CC2D1B: variants seen among roughly 807,000 people sequenced by gnomAD.
The protein encoded by CC2D1B is coiled-coil and C2 domain containing 1B.
Under a neutral mutation model 110.8 loss-of-function variants are expected in CC2D1B, and 92 were observed. The ratio of observed to expected loss-of-function variants is 0.83; its 90% CI spans 0.70 to 0.99. The LOEUF is 0.99. Ranked by LOEUF, CC2D1B falls within the 50% of genes least tolerant of loss-of-function variation. The pLI, the probability that CC2D1B is intolerant of heterozygous loss-of-function variation, is 0.00. For synonymous variants in CC2D1B, 406 were observed against 429.2 expected (o/e 0.95, Z 0.67); for missense variants, 1,136 against 1,089.0 (o/e 1.04, Z -0.61).
chr1:52,358,910 A>C, intron 11 of CC2D1B, 117 bp downstream of exon 11: 2 of 1,484,962 alleles, frequency 1.3e-6, no homozygotes, highest in Non-Finnish European at 1.8e-6. Context: ...AGAGCCCCAG[A>C]GAGACAAACA....
At chr1:52,356,906 T>G in intron 16 of CC2D1B, 95 bp downstream of exon 16, 1 of 1,391,444 alleles carries the variant, frequency 7.2e-7, no homozygotes. Flanking sequence ...GAGCTGAGAA[T>G]TTTGAGTCCA....
Position 52,359,526 on chromosome 1 carries a change from A to G in CC2D1B, c.951T>C (p.Gly317=). ...RELMRIGKRF[G]AVLEALEKGQ... ...CCTTCTCCAGGGCCTCCAGGACAGC[A>G]CCGAATCTCTGCAGAAGTTGGAAAA... Residue 317 remains glycine, a synonymous_variant, in exon 9 of 25, where the codon GGT becomes GGC. Coordinates refer to ENST00000284376, the MANE Select transcript of CC2D1B (RefSeq NM_001330585.2). 1 of 1,613,880 alleles carries G rather than the reference A, an allele frequency of 6.2e-7. No homozygotes were observed. Among genetic ancestry groups the G allele is most frequent in the Non-Finnish European group, 8.5e-7 (1 of 1,179,982 alleles).
chr1:52,352,553 A>T lies in CC2D1B; in HGVS notation c.*672T>A, dbSNP rs571995559. On this transcript the variant is annotated 3_prime_UTR_variant, in exon 25 of 25. Coordinates refer to ENST00000284376, the MANE Select transcript of CC2D1B (RefSeq NM_001330585.2). ...TGTCTACATAAAATTTTATATATAT[A>T]TTTTTTCTTCCAGTTAACAGTCTTT... is the stretch of plus-strand genomic sequence containing the variant. 2.7e-3 allele frequency: 418 copies of T among 152,652 alleles called. No individual in the cohort carries two copies. The highest frequency in any genetic ancestry group is 6.8e-3 in the Middle Eastern group (2 of 294). The allele number at this position is 152,652 out of a possible 1,614,324, so 9.5% of individuals were successfully genotyped here.
chr1:52,355,670 G>A lies in CC2D1B; in HGVS notation c.2129-4C>T. ...TCCAGGTCATCGGGAGTCACCCCTGGGAAGGAGAAAAGGGAGTCAAGTCAG... is the reference window on the plus strand; with the variant it reads ...TCCAGGTCATCGGGAGTCACCCCTGAGAAGGAGAAAAGGGAGTCAAGTCAG... On this transcript the variant is annotated splice_polypyrimidine_tract_variant and splice_region_variant and intron_variant, in intron 19 of 24. Transcript: ENST00000284376. 1.2e-6 allele frequency: 2 copies of A among 1,614,160 alleles called. No homozygotes were observed. The highest frequency in any genetic ancestry group is 1.7e-6 in the Non-Finnish European group (2 of 1,180,022).
rs1377053407 is a variant in CC2D1B at position 52,355,421 on chromosome 1, A to G, written c.2216T>C (p.Val739Ala). ...ACCTGGAGAGTTTGTGTTCTTCACC[A>G]CAGCTGTTTTGCTTTTTTGAGCCTG... is the stretch of plus-strand genomic sequence containing the variant. ...SDQAQKSKTA[V>A]VKNTNSPEFD... The change falls in exon 21 of 25, where the codon GTG (valine) becomes GCG (alanine). Residue 739 changes from valine to alanine, a missense_variant. Coordinates refer to ENST00000284376, the MANE Select transcript of CC2D1B (RefSeq NM_001330585.2). The G allele has an allele frequency of 6.2e-7, 1 of 1,614,158 alleles. No homozygotes were observed. Among genetic ancestry groups the G allele is most frequent in the Admixed American group, 1.7e-5 (1 of 60,022 alleles).
chr1:52,353,469 T>C (rs1321432407), intron 24 of CC2D1B, 49 bp downstream of exon 24: 2 of 1,566,662 alleles, frequency 1.3e-6, no homozygotes, highest in African/African-American at 2.8e-5. Flanking sequence ...AGTAGTTAGT[T>C]GAGTAAAAGG....
In CC2D1B at chr1:52,352,663, A is replaced by G. The variant is rs1557536739; in HGVS notation, c.*562T>C. The G allele has an allele frequency of 6.6e-6, 1 of 152,348 alleles. No homozygotes were observed. Among genetic ancestry groups the G allele is most frequent in the Non-Finnish European group, 1.5e-5 (1 of 68,030 alleles). 9.4% of individuals were successfully genotyped at this position (152,348 alleles called of 1,614,324 possible). A position where few individuals can be genotyped will look rare whatever the true frequency, so the allele number is the denominator to read the frequency against. On this transcript the variant is annotated 3_prime_UTR_variant, in exon 25 of 25. Coordinates refer to ENST00000284376, the MANE Select transcript of CC2D1B (RefSeq NM_001330585.2). ...GTACCAAAAACAACTTTCCCCCTCC[A>G]CTAAGTCCTTAGGGAAGCAGGAAGG...
Position 52,351,443 on chromosome 1 carries a change from C to T in CC2D1B, c.*1782G>A, listed in dbSNP as rs1646529118. On this transcript the variant is annotated 3_prime_UTR_variant, in exon 25 of 25. Coordinates refer to ENST00000284376, the MANE Select transcript of CC2D1B (RefSeq NM_001330585.2). Reference sequence around the variant, plus strand: ...AAGGGGAGTAGGTTGGGTTAGGAACCCTTCCAGTCACCTTTCTTTGCTCTA... The same window carrying T: ...AAGGGGAGTAGGTTGGGTTAGGAACTCTTCCAGTCACCTTTCTTTGCTCTA... The T allele has an allele frequency of 6.6e-6, 1 of 152,092 alleles. No individual in the cohort carries two copies. Among genetic ancestry groups the T allele is most frequent in the Non-Finnish European group, 1.5e-5 (1 of 68,026 alleles). The allele number at this position is 152,092 out of a possible 1,614,324, so 9.4% of individuals were successfully genotyped here.
rs754989958 is a variant in CC2D1B, at chr1:52,360,521, A to G, written c.506T>C (p.Leu169Ser). 5.6e-6 allele frequency: 9 copies of G among 1,614,010 alleles called. No homozygotes were observed. The highest frequency in any genetic ancestry group is 4.5e-5 in the East Asian group (2 of 44,894). Residue 169 changes from leucine to serine, a missense_variant, in exon 6 of 25, where the codon TTG becomes TCG. Physicochemically the swap from Leu to Ser is moderately radical, Grantham distance 145. Coordinates refer to ENST00000284376, the MANE Select transcript of CC2D1B (RefSeq NM_001330585.2). ...QAGASQGLHA[L>S]LEERIHNYRE... ...GTAGTTGTGAATCCGTTCCTCCAGC[A>G]AAGCGTGTAGCCCCTGAGATGCTCC...
rs1320320895 is a variant in CC2D1B at position 52,360,247 on chromosome 1, C to G, written c.604-14G>C. 1 of 1,613,612 alleles carries G rather than the reference C, an allele frequency of 6.2e-7. No homozygotes were observed. The highest frequency in any genetic ancestry group is 8.5e-7 in the Non-Finnish European group (1 of 1,179,840). On this transcript the variant is annotated splice_polypyrimidine_tract_variant and intron_variant, in intron 6 of 24. Transcript: ENST00000284376. The stretch of plus-strand genomic sequence containing the variant: ...CGACTCCAAGGTCTGAGGGAGAGAA[C>G]TGGTCCAGAAACCCAGCCAGCCATC...
Position 52,355,387 on chromosome 1 carries a change from G to A in CC2D1B, c.2239+11C>T. ...TGAGGGAGGAGAAAGAGGCCCACGT[G>A]TGGCCCTCACCTGGAGAGTTTGTGT... On this transcript the variant is annotated intron_variant, in intron 21 of 24. Transcript: ENST00000284376. The A allele has an allele frequency of 6.2e-7, 1 of 1,613,864 alleles. No individual in the cohort carries two copies. Among genetic ancestry groups the A allele is most frequent in the Non-Finnish European group, 8.5e-7 (1 of 1,179,884 alleles).
rs1646738064 is a variant in CC2D1B, at chr1:52,359,763, A to G, written c.884T>C (p.Leu295Pro). The G allele has an allele frequency of 6.2e-7, 1 of 1,610,892 alleles. No homozygotes were observed. Among genetic ancestry groups the G allele is most frequent in the Non-Finnish European group, 8.5e-7 (1 of 1,178,682 alleles). ...SRQREYKVAA[L>P]SAKRAGELDR... ...TAGCTCTCCAGCCCGCTTGGCACTG[A>G]GGGCAGCCACTTTGTACTCTCTCTG... The change falls in exon 8 of 25, where the codon CTC becomes CCC. Residue 295 changes from leucine to proline, a missense_variant. Coordinates refer to ENST00000284376, the MANE Select transcript of CC2D1B (RefSeq NM_001330585.2).
rs960391701 is a variant in CC2D1B at position 52,353,234 on chromosome 1, G to T, written c.*2-11C>A. 6 of 1,378,982 alleles carry T rather than the reference G, an allele frequency of 4.4e-6. No homozygotes were observed. Among genetic ancestry groups the T allele is most frequent in the Non-Finnish European group, 5.8e-6 (6 of 1,038,728 alleles). 85.4% of individuals were successfully genotyped at this position (1,378,982 alleles called of 1,614,324 possible). ...GGTGCTGGCCATCGGCTACACAGGG[G>T]TGCAAAGCACAAGAAGTCAGTCTAA... is the stretch of plus-strand genomic sequence containing the variant. On this transcript the variant is annotated splice_polypyrimidine_tract_variant and intron_variant, in intron 24 of 24. Transcript: ENST00000284376.
intron 24 of CC2D1B, 76 bp from the exon 25 acceptor site, chr1:52,353,299 G>GAAGA: frequency 6.8e-7 from 1 of 1,474,092 alleles, no homozygotes; most frequent in Non-Finnish European, 9.0e-7. Flanking sequence ...AGGGTTTCCT[G>GAAGA]AAGATAGATA....
chr1:52,362,644 C>T lies in CC2D1B; in HGVS notation c.172G>A (p.Glu58Lys), dbSNP rs891812522. Residue 58 changes from glutamate to lysine, a missense_variant, in exon 3 of 25, where the codon GAA (glutamate) becomes AAA (lysine). Physicochemically the swap from Glu to Lys is moderately conservative, Grantham distance 56. Transcript: ENST00000284376. ...GGCTTCTTGCCTGTGGTTTGTGCTT[C>T]CCCTGTGAGAGCCAGCAGCTCAGCC... ...LEAELLALTG[E>K]AQTTGKKPAP... 4 of 1,614,078 alleles carry T rather than the reference C, an allele frequency of 2.5e-6. No individual in the cohort carries two copies. In the African/African-American group the frequency reaches 4.0e-5, roughly 16 times the overall value.
chr1:52,361,460 C>T, intron 4 of CC2D1B, 53 bp downstream of exon 4: 1 of 1,609,478 alleles, frequency 6.2e-7, no homozygotes, highest in South Asian at 1.1e-5. Context: ...CCCTCTCCTC[C>T]ACCAGGCCCA....
At chr1:52,356,581 C>A (rs2147890969) in intron 16 of CC2D1B, 139 bp from the exon 17 acceptor site, 1 of 851,246 alleles carries the variant, frequency 1.2e-6, no homozygotes, top group East Asian at 2.6e-5. Context: ...CCCAAGGGCA[C>A]TACTCCCAAG....
chr1:52,355,214 G>A (rs1646621697), intron 21 of CC2D1B, among the ~76,000 whole-genome samples, 184 bp downstream of exon 21: 1 of 152,182 alleles, frequency 6.6e-6, no homozygotes, highest in Non-Finnish European at 1.5e-5. Context: ...TTGCCATGAG[G>A]CCCCAGGCAA....
chr1:52,360,473 T>C lies in CC2D1B; in HGVS notation c.554A>G (p.Lys185Arg), dbSNP rs1268407909. 1.9e-6 allele frequency: 3 copies of C among 1,614,060 alleles called. No homozygotes were observed. Among genetic ancestry groups the C allele is most frequent in the Non-Finnish European group, 2.5e-6 (3 of 1,180,042 alleles). The change falls in exon 6 of 25, where the codon AAG (lysine) becomes AGG (arginine). Residue 185 changes from lysine (K) to arginine (R), a missense_variant. Physicochemically the swap from Lys to Arg is conservative, Grantham distance 26 (BLOSUM62 2). Transcript: ENST00000284376. ...GGCTTTGGCTGCTTCGCCTGCCTCC[T>C]TGGCACTGGCCGCAGCCTCTCGGTA... is the stretch of plus-strand genomic sequence containing the variant. ...HNYREAAASA[K>R]EAGEAAKARR...
Sources: gnomAD v4.1 joint callset for allele counts (sites outside exome capture counted in the v4.1 genomes callset) on GRCh38, gnomAD v4.1.1 for gene constraint, MANE v1.5 for transcripts, NCBI Gene and HGNC (gene_info 2026-07-23, HGNC 2026-07-21) for gene names.